The following RSPH14 variants were observed in gnomAD, a reference collection of about 807,000 sequenced individuals.
RSPH14 encodes rhabdoid tumor deletion region gene 1.
RSPH14 carries 20 observed loss-of-function variants against 26.7 expected under a neutral mutation model. The observed-to-expected ratio is 0.75, with a 90% confidence interval of 0.53 to 1.09. RSPH14 has a LOEUF of 1.09. Among genes scored for constraint, RSPH14 ranks in the 50% least tolerant of loss-of-function variants. The pLI is 0.00. For synonymous variants in RSPH14, 177 were observed against 189.3 expected (o/e 0.93, Z 0.53); for missense variants, 449 against 457.2 (o/e 0.98, Z 0.16).
the RSPH14 span, among the ~76,000 whole-genome samples, chr22:23,171,943 C>T: frequency 6.6e-6 from 1 of 151,500 alleles, no homozygotes; most frequent in Non-Finnish European, 1.5e-5. Flanking sequence ...AGCTTCCTAT[C>T]TAACAGGCCA....
At chr22:23,137,793 G>C (rs2070509458) in intron 3 of RSPH14, 1 of 193,594 alleles carries the variant, frequency 5.2e-6, no homozygotes, top group Admixed American at 6.1e-5. Context: ...GTGGGGACGG[G>C]GGCTGGTGGG....
At chr22:23,140,054 C>G (rs1415015193) in intron 2 of RSPH14, among the ~76,000 whole-genome samples, 168 bp downstream of exon 2, 2 of 152,112 alleles carry the variant, frequency 1.3e-5, no homozygotes, top group South Asian at 4.1e-4. Context: ...GCAAGACCCT[C>G]CCTCAATAAA....
At chr22:23,178,199 G>A in the RSPH14 span, among the ~76,000 whole-genome samples, 152 of 152,262 alleles carry the variant, frequency 1.0e-3, 5 homozygotes, top group South Asian at 0.03. Context: ...GGCAGATCAC[G>A]AGGTCAGGAG....
chr22:23,151,110 C>T, the RSPH14 span, among the ~76,000 whole-genome samples: 1 of 152,220 alleles, frequency 6.6e-6, no homozygotes, highest in Non-Finnish European at 1.5e-5. Context: ...CACAGAGGTG[C>T]GATGAGGCTG....
At chr22:23,152,442 A>C in the RSPH14 span, 3 of 1,614,040 alleles carry the variant, frequency 1.9e-6, no homozygotes, top group Non-Finnish European at 2.5e-6. Context: ...CGACGGCAAC[A>C]CGGCCATATT....
At chr22:23,175,093 T>C in the RSPH14 span, among the ~76,000 whole-genome samples, 2 of 150,696 alleles carry the variant, frequency 1.3e-5, no homozygotes, top group Non-Finnish European at 3.0e-5. Flanking sequence ...GCCTCCTGGG[T>C]TCACGCCATT....
intron 4 of RSPH14, among the ~76,000 whole-genome samples, chr22:23,097,426 G>A (rs1247920248): frequency 6.6e-6 from 1 of 152,218 alleles, no homozygotes; most frequent in Non-Finnish European, 1.5e-5. Context: ...ATGGTGCTAG[G>A]AGCCTGAGTG....
chr22:23,091,877 G>T (rs1036227198), intron 4 of RSPH14, among the ~76,000 whole-genome samples: 4 of 152,138 alleles, frequency 2.6e-5, no homozygotes, highest in Non-Finnish European at 5.9e-5. Flanking sequence ...CTCTCCCTCA[G>T]TCCAGCCACT....
chr22:23,150,082 GT>G, the RSPH14 span: 2 of 1,611,394 alleles, frequency 1.2e-6, no homozygotes, highest in African/African-American at 2.7e-5. Context: ...CCGGAAGCCT[GT>G]TTGCAGCTCA....
Position 23,133,639 on chromosome 22 carries a change from G to C in RSPH14, c.421+387C>G, listed in dbSNP as rs149022339. ...GAGTCTCGCACTGTCGCCCGGGCTA[G>C]AGTGCAGTGGTGCAATCTTGGCTCA... is the stretch of plus-strand genomic sequence containing the variant. On this transcript the variant is annotated intron_variant, in intron 4 of 6. Coordinates refer to ENST00000216036, the MANE Select transcript of RSPH14 (RefSeq NM_014433.3). Among the ~76,000 whole-genome samples the C allele has an allele frequency of 4.4e-3, 675 of 152,132 alleles. 7 individuals are homozygous for C. The highest frequency in any genetic ancestry group is 0.015 in the African/African-American group (642 of 41,494).
In RSPH14 at chr22:23,137,286, T is replaced by A. The variant is rs1405992204; in HGVS notation, c.302+1554A>T. Among the ~76,000 whole-genome samples, 7 of 138,132 alleles carry A rather than the reference T, an allele frequency of 5.1e-5. 1 individual carries two copies. Among genetic ancestry groups the A allele is most frequent in the African/African-American group, 1.8e-4 (7 of 38,800 alleles). 90.6% of individuals were successfully genotyped at this position (138,132 alleles called of 152,430 possible). On this transcript the variant is annotated intron_variant, in intron 3 of 6. Transcript: ENST00000216036. ...TTTTGTATTTTTAGTAGAGACTGGT[T>A]TCACCATGTTGGCCTGTGTGCCTCC...
At chr22:23,164,181 T>C in the RSPH14 span, 1 of 152,274 alleles carries the variant, frequency 6.6e-6, no homozygotes, top group Non-Finnish European at 1.5e-5. Context: ...CATGGTGGAC[T>C]GTCGTTCTCC....
the RSPH14 span, among the ~76,000 whole-genome samples, chr22:23,171,333 G>A: frequency 6.6e-5 from 10 of 152,030 alleles, no homozygotes; most frequent in African/African-American, 2.4e-4. Flanking sequence ...TGATGACCCA[G>A]GAAGTCATCA....
chr22:23,111,749 A>G (rs2069665935), intron 4 of RSPH14, among the ~76,000 whole-genome samples: 1 of 152,214 alleles, frequency 6.6e-6, no homozygotes, highest in Non-Finnish European at 1.5e-5. Context: ...TCAGGGAGCC[A>G]GCAGGGTCGT....
the RSPH14 span, chr22:23,150,288 G>T: frequency 3.0e-5 from 20 of 660,322 alleles, no homozygotes; most frequent in South Asian, 9.2e-5. Context: ...GATGACTGGG[G>T]TTTTCTTTTT....
At chr22:23,176,358 G>GA in the RSPH14 span, among the ~76,000 whole-genome samples, 1,077 of 152,326 alleles carry the variant, frequency 7.1e-3, 13 homozygotes, top group Middle Eastern at 0.048. Flanking sequence ...ATGTTTCAAA[G>GA]AAAATGCTAA....
chr22:23,132,392 C>T lies in RSPH14; in HGVS notation c.421+1634G>A, dbSNP rs77460005. 8.8e-3 allele frequency among the ~76,000 whole-genome samples: 1,344 copies of T among 152,270 alleles called. 8 individuals are homozygous for T. The highest frequency in any genetic ancestry group is 0.027 in the Middle Eastern group (8 of 294). On this transcript the variant is annotated intron_variant, in intron 4 of 6. Coordinates refer to ENST00000216036, the MANE Select transcript of RSPH14 (RefSeq NM_014433.3). ...CTGCCATAAATCTTAACTCTCGAGC[C>T]GTGGTATCGGGTAGCTGTTACCCTG...
rs141912172 is a variant in RSPH14 at position 23,103,597 on chromosome 22, G to T, written c.421+30429C>A. Among the ~76,000 whole-genome samples, 645 of 152,290 alleles carry T rather than the reference G, an allele frequency of 4.2e-3. 1 individual carries two copies. Among genetic ancestry groups the T allele is most frequent in the Non-Finnish European group, 5.8e-3 (393 of 68,028 alleles). On this transcript the variant is annotated intron_variant, in intron 4 of 6. Coordinates refer to ENST00000216036, the MANE Select transcript of RSPH14 (RefSeq NM_014433.3). ...GCCTGCCTCCCTCCCGCTCTTCCTC[G>T]GCAGATTTAAGAGAATCCTACTCCA...
At chr22:23,074,391 G>A (rs2068457541) in intron 4 of RSPH14, among the ~76,000 whole-genome samples, 2 of 152,220 alleles carry the variant, frequency 1.3e-5, no homozygotes, top group South Asian at 4.1e-4. Flanking sequence ...GACAGCTGCA[G>A]TTTTGGTCTG....
Sources: allele counts gnomAD v4.1 joint callset (sites outside exome capture counted in the v4.1 genomes callset), GRCh38; gene constraint gnomAD v4.1.1; transcripts MANE v1.5; gene names NCBI Gene and HGNC (gene_info 2026-07-23, HGNC 2026-07-21).